The following CSMD1 variants were observed in gnomAD, a reference collection of about 807,000 sequenced individuals.
CSMD1 encodes CUB and Sushi multiple domains 1, also known as CUB and sushi domain-containing protein 1.
A neutral mutation model predicts 417.5 loss-of-function variants in CSMD1; 213 were observed. The ratio of observed to expected loss-of-function variants is 0.51; its 90% CI spans 0.46 to 0.57. The LOEUF (loss-of-function observed/expected upper bound fraction) is 0.57, where lower values mean the gene tolerates loss of function less well. CSMD1 is among the 20% of genes least tolerant of loss of function. The pLI, the probability that CSMD1 is intolerant of heterozygous loss-of-function variation, is 0.00. For missense variants in CSMD1, 6,923 were observed against 4,529.7 expected (o/e 1.53, Z -15.17); for synonymous variants, 2,862 against 1,736.8 (o/e 1.65, Z -16.11).
At chr8:4,165,906 T>C (rs899571657) in intron 3 of CSMD1, among the ~76,000 whole-genome samples, 1 of 152,232 alleles carries the variant, frequency 6.6e-6, no homozygotes, top group African/African-American at 2.4e-5. Flanking sequence ...TAGCACAGTA[T>C]CAGATATATA....
chr8:2,947,486 G>A (rs1294127386), intron 68 of CSMD1, among the ~76,000 whole-genome samples: 3 of 152,142 alleles, frequency 2.0e-5, no homozygotes, highest in South Asian at 2.1e-4. Flanking sequence ...TGTTTTTCCT[G>A]ACAACAAGCT....
At chr8:4,123,872 C>G (rs192711521) in intron 3 of CSMD1, among the ~76,000 whole-genome samples, 28 of 152,222 alleles carry the variant, frequency 1.8e-4, no homozygotes, top group African/African-American at 6.3e-4. Flanking sequence ...GATACACATT[C>G]CAGGGTTGTA....
intron 7 of CSMD1, among the ~76,000 whole-genome samples, chr8:3,691,499 C>T (rs141683730): frequency 6.6e-6 from 1 of 152,312 alleles, no homozygotes; most frequent in African/African-American, 2.4e-5. Flanking sequence ...CACTGCAAGG[C>T]ATCTAGAAAC....
At chr8:3,109,734 C>T (rs1416166389) in intron 43 of CSMD1, among the ~76,000 whole-genome samples, 3 of 151,934 alleles carry the variant, frequency 2.0e-5, no homozygotes, top group East Asian at 1.9e-4. Flanking sequence ...AGTGCAGCCA[C>T]ACCACACACA....
chr8:3,691,894 A>G (rs991479869), intron 7 of CSMD1, among the ~76,000 whole-genome samples: 73 of 152,204 alleles, frequency 4.8e-4, no homozygotes, highest in African/African-American at 1.7e-3. Flanking sequence ...CTATGGCTTC[A>G]AGATTAAGCA....
intron 49 of CSMD1, among the ~76,000 whole-genome samples, chr8:3,073,339 T>G (rs545803377): frequency 6.6e-6 from 1 of 151,812 alleles, no homozygotes; most frequent in Non-Finnish European, 1.5e-5. Context: ...CAAAAAAAAA[T>G]TAGTGGAGAA....
rs1372223880 is a variant in CSMD1, at chr8:3,093,540, C to T, written c.7139-1878G>A. Among the ~76,000 whole-genome samples the T allele has an allele frequency of 3.9e-5, 6 of 152,088 alleles. No individual in the cohort carries two copies. In the East Asian group the frequency reaches 9.6e-4, roughly 24 times the overall value. On this transcript the variant is annotated intron_variant, in intron 47 of 69. Transcript: ENST00000635120. Reference sequence around the variant, plus strand: ...AAAATTAGCTGGGCGTGGCGGCAGGCACCTGTAATCCCAGCTACTCAGGAG... The same window carrying T: ...AAAATTAGCTGGGCGTGGCGGCAGGTACCTGTAATCCCAGCTACTCAGGAG...
intron 3 of CSMD1, among the ~76,000 whole-genome samples, chr8:4,360,096 T>C (rs752076356): frequency 6.6e-6 from 1 of 152,180 alleles, no homozygotes; most frequent in African/African-American, 2.4e-5. Context: ...TTACTTAACA[T>C]ATCTGTATGT....
chr8:4,331,830 C>T (rs1224950776), intron 3 of CSMD1, among the ~76,000 whole-genome samples: 1 of 152,066 alleles, frequency 6.6e-6, no homozygotes, highest in African/African-American at 2.4e-5. Flanking sequence ...ATAATTATTA[C>T]TGTTTCCTCA....
At chr8:4,415,202 G>A (rs1440997594) in intron 3 of CSMD1, among the ~76,000 whole-genome samples, 2 of 152,100 alleles carry the variant, frequency 1.3e-5, no homozygotes, top group Admixed American at 6.6e-5. Context: ...CCCAGGCTCA[G>A]GATCATCCGC....
chr8:3,883,038 T>G (rs1806311373), intron 5 of CSMD1, among the ~76,000 whole-genome samples: 1 of 152,170 alleles, frequency 6.6e-6, no homozygotes, highest in African/African-American at 2.4e-5. Flanking sequence ...ATAAAACGCC[T>G]GAACATATCT....
Position 3,626,610 on chromosome 8 carries a change from G to C in CSMD1, c.1010-9813C>G, listed in dbSNP as rs537624183. 3.9e-3 allele frequency among the ~76,000 whole-genome samples: 585 copies of C among 151,560 alleles called. 4 individuals are homozygous for C. The highest frequency in any genetic ancestry group is 0.013 in the African/African-American group (539 of 41,434). On this transcript the variant is annotated intron_variant, in intron 7 of 69. Coordinates refer to ENST00000635120, the MANE Select transcript of CSMD1 (RefSeq NM_033225.6). ...TTTAGAAAACCATGAGATATGATTTGAATGATGAGTCCCCACAGAAAGTTT... is the reference window on the plus strand; with the variant it reads ...TTTAGAAAACCATGAGATATGATTTCAATGATGAGTCCCCACAGAAAGTTT...
intron 3 of CSMD1, among the ~76,000 whole-genome samples, chr8:4,320,445 G>T (rs962003643): frequency 5.9e-5 from 9 of 151,864 alleles, no homozygotes; most frequent in Non-Finnish European, 1.3e-4. Flanking sequence ...TGCCATGATG[G>T]TTTTCTGCAC....
In CSMD1 at chr8:4,947,377, G is replaced by A. The variant is rs191584568; in HGVS notation, c.85+46955C>T. Among the ~76,000 whole-genome samples the A allele has an allele frequency of 2.4e-3, 360 of 151,956 alleles. 2 individuals carry two copies. The highest frequency in any genetic ancestry group is 3.8e-3 in the Non-Finnish European group (257 of 67,926). On this transcript the variant is annotated intron_variant, in intron 1 of 69. Coordinates refer to ENST00000635120, the MANE Select transcript of CSMD1 (RefSeq NM_033225.6). ...CCAAATTCTCAGCACTAATTAATGG[G>A]AAATTCCCTAAAATAATTAATTATG...
At chr8:3,404,973 T>G (rs1812260409) in intron 15 of CSMD1, among the ~76,000 whole-genome samples, 1 of 152,200 alleles carries the variant, frequency 6.6e-6, no homozygotes, top group Non-Finnish European at 1.5e-5. Context: ...GTTGCTTATT[T>G]CTTTATGATA....
intron 5 of CSMD1, among the ~76,000 whole-genome samples, chr8:3,831,298 C>T (rs1266885488): frequency 2.6e-5 from 4 of 152,110 alleles, no homozygotes; most frequent in Admixed American, 2.6e-4. Context: ...CCCTGGGGAG[C>T]TGTGGCATGT....
rs1458773370 is a variant in CSMD1, at chr8:4,033,200, G to T, written c.416-1101C>A. 3.3e-5 allele frequency among the ~76,000 whole-genome samples: 5 copies of T among 150,852 alleles called. No homozygotes were observed. The East Asian group carries it at 9.8e-4, about 29-fold the overall frequency. Reference sequence around the variant, plus strand: ...TCACGCCTGTAGTCCCAGCACTTTGGGAGGCCGAGGCAGGAGGATCGTGAG... The same window carrying T: ...TCACGCCTGTAGTCCCAGCACTTTGTGAGGCCGAGGCAGGAGGATCGTGAG... On this transcript the variant is annotated intron_variant, in intron 3 of 69. Coordinates refer to ENST00000635120, the MANE Select transcript of CSMD1 (RefSeq NM_033225.6).
chr8:4,356,579 A>G (rs1273274405), intron 3 of CSMD1, among the ~76,000 whole-genome samples: 1 of 152,066 alleles, frequency 6.6e-6, no homozygotes, highest in Non-Finnish European at 1.5e-5. Context: ...GTTTCAGTCC[A>G]TTTTTACCTC....
At chr8:4,015,148 T>C (rs369099127) in intron 4 of CSMD1, among the ~76,000 whole-genome samples, 1 of 152,220 alleles carries the variant, frequency 6.6e-6, no homozygotes, top group East Asian at 1.9e-4. Context: ...AATTGAAAGC[T>C]AGGTTTCTTA....
Sources: allele counts gnomAD v4.1 joint callset (sites outside exome capture counted in the v4.1 genomes callset), GRCh38; gene constraint gnomAD v4.1.1; transcripts MANE v1.5; gene names NCBI Gene and HGNC (gene_info 2026-07-23, HGNC 2026-07-21).